CCDC50: variants seen among roughly 807,000 people sequenced by gnomAD.
CCDC50 encodes the protein coiled-coil domain-containing protein 50.
A neutral mutation model predicts 70.2 loss-of-function variants in CCDC50; 54 were observed. The ratio of observed to expected loss-of-function variants is 0.77; its 90% CI spans 0.62 to 0.96. The LOEUF (loss-of-function observed/expected upper bound fraction) is 0.96, where lower values mean the gene tolerates loss of function less well. Among genes scored for constraint, CCDC50 ranks in the 50% least tolerant of loss-of-function variants. The probability of loss-of-function intolerance (pLI) is 0.00; values close to 1 mark genes in which losing one functional copy is unlikely to be tolerated. For synonymous variants in CCDC50, 216 were observed against 198.8 expected (o/e 1.09, Z -0.73); for missense variants, 558 against 578.7 (o/e 0.96, Z 0.37).
In CCDC50 at chr3:191,397,597, G is replaced by A. The variant is rs1713901033; in HGVS notation, c.*5837G>A. ...AGGTGCTGAATTAAAAAGTACAAGA[G>A]TTTGCTCATATAAATCAAGTTGCCC... is the stretch of plus-strand genomic sequence containing the variant. On this transcript the variant is annotated 3_prime_UTR_variant, in exon 12 of 12. Transcript: ENST00000392455. 1 of 152,132 alleles carries A rather than the reference G, an allele frequency of 6.6e-6. No individual in the cohort carries two copies. The allele number at this position is 152,132 out of a possible 1,614,324, so 9.4% of individuals were successfully genotyped here. A position where few individuals can be genotyped will look rare whatever the true frequency, so the allele number is the denominator to read the frequency against.
chr3:191,344,168 A>G (rs1207947865), intron 1 of CCDC50, among the ~76,000 whole-genome samples: 1 of 152,238 alleles, frequency 6.6e-6, no homozygotes, highest in Non-Finnish European at 1.5e-5. Context: ...GCATGCATGC[A>G]CATGCAGAAG....
At chr3:191,384,061 G>T (rs1266323886) in intron 10 of CCDC50, among the ~76,000 whole-genome samples, 2 of 152,054 alleles carry the variant, frequency 1.3e-5, no homozygotes, top group Admixed American at 1.3e-4. Context: ...AACAGTACTG[G>T]ATGATTTCTT....
rs140159328 is a variant in CCDC50 at position 191,367,405 on chromosome 3, A to G, written c.331-2514A>G. ...TGGAAAAACTATCCCCTAAATCTCAATGTTAAAATGAATCTCTCTTTTCTC... is the reference window on the plus strand; with the variant it reads ...TGGAAAAACTATCCCCTAAATCTCAGTGTTAAAATGAATCTCTCTTTTCTC... On this transcript the variant is annotated intron_variant, in intron 4 of 11. Transcript: ENST00000392455. 7.8e-3 allele frequency among the ~76,000 whole-genome samples: 1,187 copies of G among 152,230 alleles called. 10 individuals carry two copies. The highest frequency in any genetic ancestry group is 0.034 in the Middle Eastern group (10 of 294).
rs115470311 is a variant in CCDC50, at chr3:191,377,120, C to T, written c.976+1531C>T. Among the ~76,000 whole-genome samples, 1,367 of 152,268 alleles carry T rather than the reference C, an allele frequency of 9.0e-3. 19 individuals carry two copies. The highest frequency in any genetic ancestry group is 0.032 in the African/African-American group (1,314 of 41,554). ...CAATGTTACCAGGCGGATATTAAAA[C>T]GACTACAACATGAGCTGCTGCTTTT... On this transcript the variant is annotated intron_variant, in intron 6 of 11. Coordinates refer to ENST00000392455, the MANE Select transcript of CCDC50 (RefSeq NM_178335.3).
At chr3:191,366,770 G>A (rs1712707091) in intron 4 of CCDC50, among the ~76,000 whole-genome samples, 1 of 151,560 alleles carries the variant, frequency 6.6e-6, no homozygotes, top group Non-Finnish European at 1.5e-5. Context: ...GTTTTTTTTG[G>A]ATAAAGTTTT....
chr3:191,371,951 G>T (rs1431210321), intron 5 of CCDC50, among the ~76,000 whole-genome samples: 2 of 152,086 alleles, frequency 1.3e-5, no homozygotes, highest in South Asian at 2.1e-4. Flanking sequence ...TGCTTTGGAG[G>T]TATATTCACT....
rs1576971744 is a variant in CCDC50, at chr3:191,379,393, T to C, written c.977-766T>C. ...ACTGAAATGAACTATTTCAGATAAG[T>C]AATCTTGTTCACTGTATTCAAAATT... On this transcript the variant is annotated intron_variant, in intron 6 of 11. Coordinates refer to ENST00000392455, the MANE Select transcript of CCDC50 (RefSeq NM_178335.3). Among the ~76,000 whole-genome samples the C allele has an allele frequency of 3.3e-5, 5 of 152,272 alleles. No individual in the cohort carries two copies. The South Asian group carries it at 1.0e-3, about 32-fold the overall frequency.
In CCDC50 at chr3:191,357,107, C is replaced by T; in HGVS notation, c.69C>T (p.Val23=). 1 of 1,613,068 alleles carries T rather than the reference C, an allele frequency of 6.2e-7. No homozygotes were observed. The highest frequency in any genetic ancestry group is 8.5e-7 in the Non-Finnish European group (1 of 1,179,238). ...GVKEVCRDFA[V]LEDHTLAHSL... ...CTCTAGTATGCCGAGATTTTGCTGT[C>T]CTGGAGGACCACACCCTGGCTCACA... is the stretch of plus-strand genomic sequence containing the variant. The change falls in exon 2 of 12, where the codon GTC becomes GTT. Residue 23 remains valine, a synonymous_variant. Transcript: ENST00000392455.
intron 4 of CCDC50, among the ~76,000 whole-genome samples, chr3:191,368,643 T>C (rs1039797419): frequency 1.3e-5 from 2 of 152,118 alleles, no homozygotes; most frequent in African/African-American, 4.8e-5. Context: ...CACCTATTCA[T>C]AAAATTTGAA....
At chr3:191,340,165 C>T (rs1560155356) in intron 1 of CCDC50, among the ~76,000 whole-genome samples, 1 of 152,172 alleles carries the variant, frequency 6.6e-6, no homozygotes, top group African/African-American at 2.4e-5. Context: ...CCTCACAGGT[C>T]AGGACATGAG....
intron 10 of CCDC50, among the ~76,000 whole-genome samples, chr3:191,388,259 A>G (rs767133235): frequency 1.3e-5 from 2 of 152,110 alleles, no homozygotes; most frequent in Non-Finnish European, 2.9e-5. Context: ...ACATATATAC[A>G]TATAGTCTTT....
rs887836444 is a variant in CCDC50, at chr3:191,397,009, C to A, written c.*5249C>A. On this transcript the variant is annotated 3_prime_UTR_variant, in exon 12 of 12. Coordinates refer to ENST00000392455, the MANE Select transcript of CCDC50 (RefSeq NM_178335.3). ...TGAGTTAACTTCATAGCATAGAGAA[C>A]CAGCACTGTGCAGGTTTCAGCATTT... 2 of 152,064 alleles carry A rather than the reference C, an allele frequency of 1.3e-5. No individual in the cohort carries two copies. Among genetic ancestry groups the A allele is most frequent in the Non-Finnish European group, 2.9e-5 (2 of 67,994 alleles). 9.4% of individuals were successfully genotyped at this position (152,064 alleles called of 1,614,324 possible).
intron 3 of CCDC50, among the ~76,000 whole-genome samples, chr3:191,359,339 A>G (rs191063951): frequency 6.6e-6 from 1 of 152,310 alleles, no homozygotes; most frequent in East Asian, 1.9e-4. Flanking sequence ...CGTTAGCTGC[A>G]AGAAGTTCAG....
At chr3:191,350,766 T>C (rs1277528836) in intron 1 of CCDC50, among the ~76,000 whole-genome samples, 1 of 142,000 alleles carries the variant, frequency 7.0e-6, no homozygotes. Context: ...AAGGAGTTCT[T>C]GATAGCAGGA....
intron 11 of CCDC50, 87 bp from the exon 12 acceptor site, chr3:191,391,654 G>T: frequency 8.7e-7 from 1 of 1,151,616 alleles, no homozygotes; most frequent in African/African-American, 1.5e-5. Flanking sequence ...TAGAAATAAA[G>T]TTATTTTACT....
rs1395637312 is a variant in CCDC50, at chr3:191,351,956, A to G, written c.50-5132A>G. Among the ~76,000 whole-genome samples the G allele has an allele frequency of 1.9e-5, 2 of 103,662 alleles. 1 individual carries two copies. The allele number at this position is 103,662 out of a possible 152,430, so 68.0% of individuals were successfully genotyped here. A position where few individuals can be genotyped will look rare whatever the true frequency, so the allele number is the denominator to read the frequency against. The stretch of plus-strand genomic sequence containing the variant: ...AAGAATGTTTACCGCTTCTGTGCAT[A>G]GGAATTTTAACTTACCTTGAGATAC... On this transcript the variant is annotated intron_variant, in intron 1 of 11. Transcript: ENST00000392455.
Position 191,393,771 on chromosome 3 carries a change from A to G in CCDC50, c.*2011A>G, listed in dbSNP as rs1713771915. ...ATTCCAGATAGTGCTTTCAATATCC[A>G]AAGCTTAGGCCTTGTTTACTTATAG... On this transcript the variant is annotated 3_prime_UTR_variant, in exon 12 of 12. Coordinates refer to ENST00000392455, the MANE Select transcript of CCDC50 (RefSeq NM_178335.3). 6.6e-6 allele frequency: 1 copy of G among 152,180 alleles called. No homozygotes were observed. The highest frequency in any genetic ancestry group is 1.5e-5 in the Non-Finnish European group (1 of 68,004). The allele number at this position is 152,180 out of a possible 1,614,324, so 9.4% of individuals were successfully genotyped here.
chr3:191,359,148 A>C (rs960977992), intron 3 of CCDC50, among the ~76,000 whole-genome samples: 1 of 152,238 alleles, frequency 6.6e-6, no homozygotes, highest in Non-Finnish European at 1.5e-5. Context: ...GTCACAGAGA[A>C]TTGAAATGTA....
chr3:191,338,433 T>C (rs1005062799), intron 1 of CCDC50, among the ~76,000 whole-genome samples: 1 of 152,252 alleles, frequency 6.6e-6, no homozygotes, highest in East Asian at 1.9e-4. Flanking sequence ...TTCCCATCTG[T>C]ACATCTGGAG....
Sources: gnomAD v4.1 joint callset for allele counts (sites outside exome capture counted in the v4.1 genomes callset) on GRCh38, gnomAD v4.1.1 for gene constraint, MANE v1.5 for transcripts, NCBI Gene and HGNC (gene_info 2026-07-23, HGNC 2026-07-21) for gene names.